SUMF1: variants seen among roughly 807,000 people sequenced by gnomAD.
SUMF1 encodes the protein sulfatase modifying factor 1.
SUMF1 carries 48 observed loss-of-function variants against 47.6 expected under a neutral mutation model. The observed-to-expected ratio is 1.01, with a 90% CI of 0.80 to 1.28. The LOEUF (loss-of-function observed/expected upper bound fraction) is 1.28, where lower values mean the gene tolerates loss of function less well. Among genes scored for constraint, SUMF1 ranks in the 50% most tolerant of loss-of-function variants. The probability of loss-of-function intolerance (pLI) is 0.00; values close to 1 mark genes in which losing one functional copy is unlikely to be tolerated. For synonymous variants in SUMF1, 230 were observed against 192.1 expected, an observed-to-expected ratio of 1.20 and a Z score of -1.63; for missense variants, 571 against 485.4, an observed-to-expected ratio of 1.18 and a Z score of -1.66.
chr3:4,142,938 T>G (rs1302786419), intron 8 of SUMF1, among the ~76,000 whole-genome samples: 1 of 151,944 alleles, frequency 6.6e-6, no homozygotes, highest in Non-Finnish European at 1.5e-5. Context: ...CAATATCCAG[T>G]CCCAAGAAGA....
At chr3:4,223,542 G>C in intron 8 of SUMF1, among the ~76,000 whole-genome samples, 1 of 152,180 alleles carries the variant, frequency 6.6e-6, no homozygotes, top group African/African-American at 2.4e-5. Context: ...TTCCACACTG[G>C]TTTCGTGACA....
intron 9 of SUMF1, among the ~76,000 whole-genome samples, chr3:4,055,311 A>G (rs1695171480): frequency 6.6e-6 from 1 of 152,174 alleles, no homozygotes; most frequent in Non-Finnish European, 1.5e-5. Context: ...TGTTTACTAT[A>G]TCTCAGATAT....
At chr3:4,117,158 G>A (rs537630131) in intron 8 of SUMF1, among the ~76,000 whole-genome samples, 1 of 152,188 alleles carries the variant, frequency 6.6e-6, no homozygotes, top group South Asian at 2.1e-4. Context: ...TTTTCTCTAA[G>A]CAGGGGAATT....
chr3:4,388,978 T>C (rs1458405724), intron 7 of SUMF1, among the ~76,000 whole-genome samples: 1 of 152,208 alleles, frequency 6.6e-6, no homozygotes, highest in Non-Finnish European at 1.5e-5. Flanking sequence ...TTGTTTCAAC[T>C]GTCAAATAAA....
intron 8 of SUMF1, among the ~76,000 whole-genome samples, chr3:4,191,722 G>A (rs1695318957): frequency 6.6e-6 from 1 of 152,072 alleles, no homozygotes; most frequent in African/African-American, 2.4e-5. Context: ...TTTTTGGATT[G>A]AACATCTGGG....
At chr3:4,425,879 TGGCAGCAGGCAAGAG>T (rs1702052336) in intron 3 of SUMF1, among the ~76,000 whole-genome samples, 1 of 152,164 alleles carries the variant, frequency 6.6e-6, no homozygotes, top group African/African-American at 2.4e-5. Flanking sequence ...ACGCCTTACA[TGGCAGCAGGCAAGAG>T]GGCAAGAGAG....
chr3:4,401,978 T>G (rs562741468), intron 7 of SUMF1, among the ~76,000 whole-genome samples: 4 of 152,294 alleles, frequency 2.6e-5, no homozygotes, highest in Admixed American at 2.0e-4. Flanking sequence ...TTAAGGAAAT[T>G]CTTGAAACAG....
chr3:4,258,495 A>G (rs949991562), intron 8 of SUMF1, among the ~76,000 whole-genome samples: 6 of 148,696 alleles, frequency 4.0e-5, no homozygotes, highest in African/African-American at 1.5e-4. Flanking sequence ...TTATGCAGCC[A>G]AAAAACACAT....
chr3:4,310,363 T>A (rs1317273204), intron 8 of SUMF1, among the ~76,000 whole-genome samples: 1 of 152,248 alleles, frequency 6.6e-6, no homozygotes, highest in Non-Finnish European at 1.5e-5. Flanking sequence ...AAAAGATTAT[T>A]CTTGAGTGTA....
intron 8 of SUMF1, among the ~76,000 whole-genome samples, chr3:4,109,836 T>A (rs181844119): frequency 6.6e-6 from 1 of 152,260 alleles, no homozygotes; most frequent in East Asian, 1.9e-4. Context: ...CTAATCTTTT[T>A]TCAAAGCTTT....
chr3:4,176,156 G>A (rs1694955556), intron 8 of SUMF1, among the ~76,000 whole-genome samples: 1 of 152,022 alleles, frequency 6.6e-6, no homozygotes, highest in African/African-American at 2.4e-5. Context: ...TAAGAAGACA[G>A]GCCAACATTC....
chr3:4,382,946 G>A (rs1031592424), intron 7 of SUMF1, among the ~76,000 whole-genome samples: 1 of 152,138 alleles, frequency 6.6e-6, no homozygotes, highest in Non-Finnish European at 1.5e-5. Context: ...GGGAGGGATA[G>A]CATTAGGAGA....
At chr3:4,182,943 G>GA (rs11412006) in intron 8 of SUMF1, among the ~76,000 whole-genome samples, 36,378 of 151,928 alleles carry the variant, frequency 0.24, 5,360 homozygotes, top group East Asian at 0.4. Context: ...TCCTCAGACA[G>GA]AAAAAACCCA....
chr3:4,177,221 A>G (rs1368556368), intron 8 of SUMF1, among the ~76,000 whole-genome samples: 1 of 152,202 alleles, frequency 6.6e-6, no homozygotes, highest in African/African-American at 2.4e-5. Flanking sequence ...TAAAGACCAA[A>G]TCAACAGAAT....
At chr3:4,154,869 G>T (rs1216748055) in intron 8 of SUMF1, among the ~76,000 whole-genome samples, 2 of 151,354 alleles carry the variant, frequency 1.3e-5, no homozygotes, top group Non-Finnish European at 1.5e-5. Flanking sequence ...AGCTTTTTTT[G>T]ATATATGACT....
At chr3:4,326,671 C>T (rs1698952994) in intron 8 of SUMF1, among the ~76,000 whole-genome samples, 1 of 152,022 alleles carries the variant, frequency 6.6e-6, no homozygotes, top group Non-Finnish European at 1.5e-5. Context: ...ATGCATGCCA[C>T]CATAACCAGA....
chr3:4,213,647 T>C (rs1367639898), intron 8 of SUMF1, among the ~76,000 whole-genome samples: 1 of 152,178 alleles, frequency 6.6e-6, no homozygotes, highest in Non-Finnish European at 1.5e-5. Flanking sequence ...CCCATCAGTG[T>C]GCTGTATTCA....
chr3:4,098,693 G>A (rs1036427362), intron 8 of SUMF1, among the ~76,000 whole-genome samples: 2 of 152,128 alleles, frequency 1.3e-5, no homozygotes, highest in Non-Finnish European at 2.9e-5. Flanking sequence ...CATTGGTATA[G>A]GATTTTACTT....
At chr3:4,344,889 A>G (rs183823283) in intron 8 of SUMF1, among the ~76,000 whole-genome samples, 4 of 152,238 alleles carry the variant, frequency 2.6e-5, no homozygotes, top group African/African-American at 9.6e-5. Context: ...TGAAGCATAC[A>G]CAAGTGTCAA....
Sources: gnomAD v4.1 joint callset for allele counts (sites outside exome capture counted in the v4.1 genomes callset) on GRCh38, gnomAD v4.1.1 for gene constraint, MANE v1.5 for transcripts, NCBI Gene and HGNC (gene_info 2026-07-23, HGNC 2026-07-21) for gene names.